Variants in SPIDR observed in about 807,000 individuals in gnomAD.
SPIDR encodes the protein DNA repair-scaffolding protein.
A neutral mutation model predicts 104.6 loss-of-function variants in SPIDR; 93 were observed. That is an observed-to-expected ratio of 0.89 (90% CI 0.75 to 1.06). The LOEUF (loss-of-function observed/expected upper bound fraction) is 1.06. Among genes scored for constraint, SPIDR ranks in the 50% least tolerant of loss-of-function variants. SPIDR has a pLI of 0.00. For missense variants in SPIDR, 1,154 were observed against 1,111.2 expected, an observed-to-expected ratio of 1.04 and a Z score of -0.55; for synonymous variants, 431 against 416.9, an observed-to-expected ratio of 1.03 and a Z score of -0.41.
chr8:47,400,772 A>G (rs2061779672), intron 6 of SPIDR, among the ~76,000 whole-genome samples: 1 of 151,882 alleles, frequency 6.6e-6, no homozygotes, highest in African/African-American at 2.4e-5. Context: ...GTTGGTAATA[A>G]TAAAGCTATA....
chr8:47,334,332 T>C (rs1554606893), intron 5 of SPIDR, among the ~76,000 whole-genome samples: 1 of 152,248 alleles, frequency 6.6e-6, no homozygotes, highest in Non-Finnish European at 1.5e-5. Context: ...ATGGATTTTC[T>C]GCCTGCTAAA....
intron 10 of SPIDR, among the ~76,000 whole-genome samples, chr8:47,652,671 A>T (rs2071884014): frequency 6.6e-6 from 1 of 152,220 alleles, no homozygotes; most frequent in South Asian, 2.1e-4. Context: ...TTTTCTTAGG[A>T]TTGCAGAATT....
chr8:47,303,638 T>C (rs929544331), intron 5 of SPIDR, among the ~76,000 whole-genome samples: 4 of 152,244 alleles, frequency 2.6e-5, no homozygotes, highest in African/African-American at 9.6e-5. Context: ...TCTTCCATTC[T>C]ATTAACGTGG....
chr8:47,386,904 G>GATATAGATATAGATATAT (rs199820823), intron 5 of SPIDR, among the ~76,000 whole-genome samples: 2 of 126,860 alleles, frequency 1.6e-5, no homozygotes, highest in Non-Finnish European at 3.3e-5. Flanking sequence ...GAGAGAGAGA[G>GATATAGATATAGATATAT]ATATAGATAT....
At chr8:47,590,706 G>A (rs1048891639) in intron 8 of SPIDR, among the ~76,000 whole-genome samples, 15 of 152,162 alleles carry the variant, frequency 9.9e-5, no homozygotes, top group Non-Finnish European at 1.9e-4. Context: ...TATTCTTTCT[G>A]ATATTCTCTC....
intron 8 of SPIDR, among the ~76,000 whole-genome samples, chr8:47,461,683 G>A (rs537219065): frequency 6.6e-6 from 1 of 152,060 alleles, no homozygotes; most frequent in East Asian, 1.9e-4. Flanking sequence ...TTTGAGCTCT[G>A]AGGTTGTTTC....
intron 8 of SPIDR, among the ~76,000 whole-genome samples, chr8:47,487,284 C>A (rs946028231): frequency 6.6e-6 from 1 of 152,198 alleles, no homozygotes; most frequent in Non-Finnish European, 1.5e-5. Flanking sequence ...GTGAAGGGAT[C>A]AATTCAACAA....
chr8:47,378,261 A>G (rs909297529), intron 5 of SPIDR, among the ~76,000 whole-genome samples: 1 of 152,178 alleles, frequency 6.6e-6, no homozygotes, highest in Admixed American at 6.5e-5. Flanking sequence ...ATTGTGGCCA[A>G]TAAAATTCCC....
chr8:47,603,395 A>AT (rs1010421060), intron 10 of SPIDR, among the ~76,000 whole-genome samples: 14 of 151,326 alleles, frequency 9.3e-5, no homozygotes, highest in African/African-American at 3.2e-4. Flanking sequence ...CCAGTAATTT[A>AT]TTTTTTTCTT....
chr8:47,727,338 C>T (rs2084403575), intron 17 of SPIDR, 45 bp downstream of exon 17: 1 of 1,582,468 alleles, frequency 6.3e-7, no homozygotes, highest in South Asian at 1.1e-5. Flanking sequence ...ACTGAAAGGG[C>T]ACAGAAGCAA....
chr8:47,487,143 G>C (rs889523997), intron 8 of SPIDR, among the ~76,000 whole-genome samples: 3 of 151,252 alleles, frequency 2.0e-5, no homozygotes, highest in Non-Finnish European at 2.9e-5. Flanking sequence ...TCAAAACAAA[G>C]GGATGGAGGA....
chr8:47,548,534 G>C (rs2089877970), intron 8 of SPIDR, among the ~76,000 whole-genome samples: 1 of 152,186 alleles, frequency 6.6e-6, no homozygotes, highest in African/African-American at 2.4e-5. Context: ...TCTAATCCCA[G>C]CTACTCGGGA....
intron 5 of SPIDR, among the ~76,000 whole-genome samples, chr8:47,386,632 G>A (rs939407748): frequency 1.3e-5 from 2 of 152,074 alleles, no homozygotes; most frequent in Non-Finnish European, 2.9e-5. Flanking sequence ...CCATGTATAG[G>A]ACAGCCTCTC....
intron 7 of SPIDR, among the ~76,000 whole-genome samples, chr8:47,431,677 T>G (rs1585602908): frequency 6.6e-6 from 1 of 151,930 alleles, no homozygotes; most frequent in Non-Finnish European, 1.5e-5. Flanking sequence ...TGTTTTTGGG[T>G]TTTTTTTAAG....
intron 8 of SPIDR, among the ~76,000 whole-genome samples, chr8:47,582,407 T>C (rs1363372905): frequency 6.6e-6 from 1 of 152,228 alleles, no homozygotes; most frequent in Non-Finnish European, 1.5e-5. Flanking sequence ...AAACTGGGAA[T>C]TCCTAAAACA....
chr8:47,566,139 T>G (rs2057808972), intron 8 of SPIDR, among the ~76,000 whole-genome samples: 1 of 150,040 alleles, frequency 6.7e-6, no homozygotes, highest in South Asian at 2.1e-4. Flanking sequence ...CCCAAGTAGC[T>G]GGGACTACAG....
intron 14 of SPIDR, among the ~76,000 whole-genome samples, chr8:47,704,156 TGCCAGCAC>T (rs1563604687): frequency 7.2e-5 from 11 of 152,232 alleles, no homozygotes; most frequent in African/African-American, 2.7e-4. Context: ...AGCTAGTGCT[TGCCAGCAC>T]ATAGAGTCTT....
At chr8:47,394,507 T>C (rs1041714337) in intron 5 of SPIDR, among the ~76,000 whole-genome samples, 4 of 152,154 alleles carry the variant, frequency 2.6e-5, no homozygotes, top group South Asian at 4.1e-4. Context: ...GGAGACCTTT[T>C]TGATTGTCCT....
At chr8:47,514,602 G>C (rs190212265) in intron 8 of SPIDR, among the ~76,000 whole-genome samples, 1 of 152,260 alleles carries the variant, frequency 6.6e-6, no homozygotes, top group East Asian at 1.9e-4. Context: ...GTGGTTTTTT[G>C]GATGTGATTC....
Sources: gnomAD v4.1 joint callset for allele counts (sites outside exome capture counted in the v4.1 genomes callset) on GRCh38, gnomAD v4.1.1 for gene constraint, MANE v1.5 for transcripts, NCBI Gene and HGNC (gene_info 2026-07-23, HGNC 2026-07-21) for gene names.